Variants in GPHN observed in about 807,000 individuals in gnomAD.
GPHN encodes gephyrin.
In GPHN, 17 loss-of-function variants were observed where a neutral mutation model predicts 95.5. That is an observed-to-expected ratio of 0.18 (90% CI 0.12 to 0.27). The LOEUF (loss-of-function observed/expected upper bound fraction) is 0.27, where lower values mean the gene tolerates loss of function less well. GPHN is among the 10% of genes least tolerant of loss of function. The pLI, the probability that GPHN is intolerant of heterozygous loss-of-function variation, is 1.00. For missense variants in GPHN, 660 were observed against 978.1 expected (o/e 0.67, Z 4.34); for synonymous variants, 320 against 322.5 (o/e 0.99, Z 0.08).
chr14:67,592,959 G>C, the GPHN span, among the ~76,000 whole-genome samples: 9 of 151,822 alleles, frequency 5.9e-5, no homozygotes. Flanking sequence ...CTAATTTTTT[G>C]TATTTTTAGT....
chr14:67,628,710 AC>A, the GPHN span, among the ~76,000 whole-genome samples: 4 of 152,264 alleles, frequency 2.6e-5, no homozygotes, highest in Non-Finnish European at 5.9e-5. Flanking sequence ...TAGGATGGCT[AC>A]TATCAAAACA....
At chr14:67,612,289 T>G in the GPHN span, among the ~76,000 whole-genome samples, 2 of 152,112 alleles carry the variant, frequency 1.3e-5, no homozygotes, top group African/African-American at 4.8e-5. Context: ...CTGGGGAATT[T>G]TATGGAGTTA....
chr14:67,202,325 C>T, the GPHN span, among the ~76,000 whole-genome samples: 1 of 152,134 alleles, frequency 6.6e-6, no homozygotes, highest in Non-Finnish European at 1.5e-5. Context: ...CCTGTAATCC[C>T]AGCTACTTGG....
chr14:67,382,345 G>T, the GPHN span: 1 of 1,079,624 alleles, frequency 9.3e-7, no homozygotes, highest in South Asian at 1.6e-5. Flanking sequence ...TTACGTTTTG[G>T]GGTGATTTGT....
intron 3 of GPHN, among the ~76,000 whole-genome samples, chr14:66,820,137 G>A (rs1303690644): frequency 1.3e-5 from 2 of 151,994 alleles, no homozygotes; most frequent in Non-Finnish European, 2.9e-5. Context: ...TGAAAGATAA[G>A]GATATTTGCA....
the GPHN span, chr14:67,600,352 T>A: frequency 1.6e-6 from 1 of 630,228 alleles, no homozygotes; most frequent in Non-Finnish European, 2.6e-6. Flanking sequence ...CCGAGAGCTC[T>A]GCTGGGGGCT....
At chr14:67,436,164 A>G in the GPHN span, among the ~76,000 whole-genome samples, 2 of 152,154 alleles carry the variant, frequency 1.3e-5, no homozygotes, top group African/African-American at 2.4e-5. Context: ...TCTTGCCAGT[A>G]TCTGTGAATG....
intron 1 of GPHN, among the ~76,000 whole-genome samples, chr14:66,658,672 T>A (rs1355439142): frequency 1.3e-5 from 2 of 152,182 alleles, no homozygotes; most frequent in African/African-American, 4.8e-5. Context: ...TATGTACATT[T>A]TGAAAACGTA....
the GPHN span, among the ~76,000 whole-genome samples, chr14:67,286,378 T>C: frequency 6.6e-6 from 1 of 152,238 alleles, no homozygotes; most frequent in African/African-American, 2.4e-5. Flanking sequence ...CTCTTTGTTG[T>C]CTCTGTGTCT....
chr14:67,143,044 GA>G, intron 17 of GPHN: 1 of 348,968 alleles, frequency 2.9e-6, no homozygotes, highest in Non-Finnish European at 5.5e-6. Context: ...ACTAAAACAG[GA>G]ATATTCCTAG....
chr14:66,991,802 G>A (rs1018779587), intron 9 of GPHN, among the ~76,000 whole-genome samples: 2 of 150,242 alleles, frequency 1.3e-5, no homozygotes, highest in Non-Finnish European at 3.0e-5. Context: ...AACCCAGGAA[G>A]TGGAGGTTGC....
At chr14:67,285,660 G>A in the GPHN span, among the ~76,000 whole-genome samples, 1,839 of 152,176 alleles carry the variant, frequency 0.012, 19 homozygotes, top group Non-Finnish European at 0.018. Context: ...GAGCCACTGC[G>A]CCTGACCCCC....
At chr14:67,468,897 A>G in the GPHN span, among the ~76,000 whole-genome samples, 1 of 151,842 alleles carries the variant, frequency 6.6e-6, no homozygotes, top group South Asian at 2.1e-4. Context: ...TCTGTCTCAA[A>G]AATAATAATA....
At chr14:66,728,503 C>T (rs934410184) in intron 2 of GPHN, among the ~76,000 whole-genome samples, 4 of 152,218 alleles carry the variant, frequency 2.6e-5, no homozygotes, top group African/African-American at 9.7e-5. Context: ...CGGAGCTACC[C>T]AAGACCATAG....
At chr14:67,637,947 A>G in the GPHN span, among the ~76,000 whole-genome samples, 114 of 152,336 alleles carry the variant, frequency 7.5e-4, 1 homozygote, top group African/African-American at 2.6e-3. Flanking sequence ...AGTCTTGAAA[A>G]GAGGAGGTGT....
chr14:67,662,403 G>A, the GPHN span: 1 of 1,264,716 alleles, frequency 7.9e-7, no homozygotes, highest in Non-Finnish European at 1.1e-6. Context: ...GTTAATTTGT[G>A]ATCAGCTCAT....
intron 4 of GPHN, among the ~76,000 whole-genome samples, chr14:66,849,661 T>C (rs1280952968): frequency 2.6e-5 from 4 of 152,078 alleles, no homozygotes; most frequent in African/African-American, 9.6e-5. Context: ...TAGAGTAATT[T>C]AAACACTGTT....
At chr14:67,199,079 C>T in the GPHN span, 1 of 957,426 alleles carries the variant, frequency 1.0e-6, no homozygotes, top group Non-Finnish European at 1.7e-6. Flanking sequence ...CCAGGCCGAT[C>T]TCCGAGCGGA....
the GPHN span, among the ~76,000 whole-genome samples, chr14:67,507,479 C>T: frequency 3.9e-5 from 6 of 152,120 alleles, no homozygotes; most frequent in South Asian, 2.1e-4. Flanking sequence ...CCCAGGGTCT[C>T]GGTCTTTTGT....
Sources: gnomAD v4.1 joint callset for allele counts (sites outside exome capture counted in the v4.1 genomes callset) on GRCh38, gnomAD v4.1.1 for gene constraint, MANE v1.5 for transcripts, NCBI Gene and HGNC (gene_info 2026-07-23, HGNC 2026-07-21) for gene names.